The following CTNNA3 variants were observed in gnomAD, a reference collection of about 807,000 sequenced individuals.
CTNNA3 encodes the protein catenin alpha 3, also known as catenin alpha-3.
Under a neutral mutation model 95.7 loss-of-function variants are expected in CTNNA3, and 76 were observed. The observed-to-expected ratio is 0.79, with a 90% CI of 0.66 to 0.96. The LOEUF (loss-of-function observed/expected upper bound fraction) is 0.96, where lower values mean the gene tolerates loss of function less well. CTNNA3 is among the 40% of genes least tolerant of loss of function. CTNNA3 has a pLI of 0.00. For synonymous variants in CTNNA3, 431 were observed against 374.4 expected (o/e 1.15, Z -1.74); for missense variants, 1,191 against 1,089.8 (o/e 1.09, Z -1.31).
chr10:67,448,095 A>C (rs1471118575), intron 5 of CTNNA3, among the ~76,000 whole-genome samples: 1 of 152,210 alleles, frequency 6.6e-6, no homozygotes, highest in Non-Finnish European at 1.5e-5. Context: ...CTTTCAAAAT[A>C]ACTGCAAATT....
At chr10:66,869,878 C>T (rs897559730) in intron 7 of CTNNA3, among the ~76,000 whole-genome samples, 1 of 152,076 alleles carries the variant, frequency 6.6e-6, no homozygotes, top group African/African-American at 2.4e-5. Flanking sequence ...GAACCATGTA[C>T]CACACATAGA....
intron 7 of CTNNA3, among the ~76,000 whole-genome samples, chr10:67,156,765 T>C (rs887831911): frequency 2.6e-5 from 4 of 152,242 alleles, no homozygotes; most frequent in Middle Eastern, 3.4e-3. Context: ...ATTCTGTTGT[T>C]TTTGATGGAA....
At chr10:67,264,564 A>C (rs1457440458) in intron 5 of CTNNA3, among the ~76,000 whole-genome samples, 1 of 152,184 alleles carries the variant, frequency 6.6e-6, no homozygotes, top group Non-Finnish European at 1.5e-5. Context: ...TCCAAAATTC[A>C]TAAGAGCTAC....
At chr10:67,737,969 AC>A (rs1323114645) in intron 1 of CTNNA3, among the ~76,000 whole-genome samples, 1 of 152,118 alleles carries the variant, frequency 6.6e-6, no homozygotes, top group Non-Finnish European at 1.5e-5. Flanking sequence ...ACATGTCAGT[AC>A]CCCCACTGGG....
At chr10:67,597,593 C>G (rs897973788) in intron 3 of CTNNA3, among the ~76,000 whole-genome samples, 1 of 152,158 alleles carries the variant, frequency 6.6e-6, no homozygotes, top group Non-Finnish European at 1.5e-5. Flanking sequence ...ACCAAGCCCA[C>G]AGCTTTGTTC....
intron 5 of CTNNA3, among the ~76,000 whole-genome samples, chr10:67,509,084 C>G (rs1323214416): frequency 6.6e-6 from 1 of 152,064 alleles, no homozygotes; most frequent in Non-Finnish European, 1.5e-5. Flanking sequence ...CCATGTTGGC[C>G]AGGCTGGTCT....
chr10:65,977,707 G>A (rs745479050), intron 16 of CTNNA3, among the ~76,000 whole-genome samples: 1 of 152,000 alleles, frequency 6.6e-6, no homozygotes, highest in Non-Finnish European at 1.5e-5. Context: ...GCTTGAACCT[G>A]GGAGGCGGAG....
chr10:67,697,142 G>A (rs1207509088), upstream of CTNNA3, among the ~76,000 whole-genome samples: 2 of 152,182 alleles, frequency 1.3e-5, no homozygotes, highest in Admixed American at 1.3e-4. Context: ...ATGATTTTCA[G>A]GATAGCCTTC....
intron 14 of CTNNA3, among the ~76,000 whole-genome samples, chr10:66,084,409 G>T (rs1448387701): frequency 2.0e-5 from 3 of 151,764 alleles, no homozygotes; most frequent in Non-Finnish European, 4.4e-5. Context: ...AAAGAGAATG[G>T]GTCTTCCATT....
At chr10:66,813,835 T>C (rs1841974087) in intron 7 of CTNNA3, among the ~76,000 whole-genome samples, 1 of 75,942 alleles carries the variant, frequency 1.3e-5, no homozygotes, top group Non-Finnish European at 2.4e-5. Context: ...GAAGGGCGTG[T>C]GTGTGTGTGA....
At chr10:66,391,674 A>G (rs2092934622) in intron 11 of CTNNA3, among the ~76,000 whole-genome samples, 1 of 152,144 alleles carries the variant, frequency 6.6e-6, no homozygotes, top group African/African-American at 2.4e-5. Context: ...CTATAGCTTC[A>G]TTGCTCTGTA....
chr10:67,400,899 A>C (rs1844891244), intron 5 of CTNNA3, among the ~76,000 whole-genome samples: 1 of 152,140 alleles, frequency 6.6e-6, no homozygotes, highest in Non-Finnish European at 1.5e-5. Flanking sequence ...TAAATTAAGA[A>C]ACTCTATCAA....
At chr10:65,978,982 C>G (rs1055756840) in intron 16 of CTNNA3, among the ~76,000 whole-genome samples, 3 of 152,084 alleles carry the variant, frequency 2.0e-5, no homozygotes, top group Non-Finnish European at 4.4e-5. Context: ...ATAACATTGT[C>G]TCATATGGTA....
intron 17 of CTNNA3, among the ~76,000 whole-genome samples, chr10:65,937,936 G>A (rs2077368778): frequency 6.6e-6 from 1 of 151,976 alleles, no homozygotes; most frequent in Non-Finnish European, 1.5e-5. Context: ...ATCAAAACAG[G>A]TTCAGATGGA....
chr10:67,289,552 C>T (rs968815975), intron 5 of CTNNA3, among the ~76,000 whole-genome samples: 5 of 152,016 alleles, frequency 3.3e-5, no homozygotes, highest in African/African-American at 7.2e-5. Context: ...TCTCATATCC[C>T]AAAATTCTAA....
intron 13 of CTNNA3, among the ~76,000 whole-genome samples, chr10:66,240,051 A>G (rs2090037171): frequency 6.6e-6 from 1 of 151,996 alleles, no homozygotes; most frequent in Non-Finnish European, 1.5e-5. Flanking sequence ...GATATCCATA[A>G]GTGTTAACAA....
intron 15 of CTNNA3, among the ~76,000 whole-genome samples, chr10:66,064,265 A>G (rs1018830657): frequency 6.6e-6 from 1 of 152,108 alleles, no homozygotes; most frequent in Admixed American, 6.5e-5. Context: ...GCCATGATTC[A>G]ATTGCCTTCA....
At chr10:66,660,791 C>T (rs1846236528) in intron 9 of CTNNA3, among the ~76,000 whole-genome samples, 1 of 152,090 alleles carries the variant, frequency 6.6e-6, no homozygotes, top group Non-Finnish European at 1.5e-5. Flanking sequence ...CTCATTATCC[C>T]ATATCCCCAT....
chr10:67,713,159 T>C (rs143595679), intron 1 of CTNNA3, among the ~76,000 whole-genome samples: 2,471 of 152,314 alleles, frequency 0.016, 75 homozygotes, highest in African/African-American at 0.056. Flanking sequence ...AAGATATTTA[T>C]GCAGCCAACA....
Sources: allele counts gnomAD v4.1 joint callset (sites outside exome capture counted in the v4.1 genomes callset), GRCh38; gene constraint gnomAD v4.1.1; transcripts MANE v1.5; gene names NCBI Gene and HGNC (gene_info 2026-07-23, HGNC 2026-07-21).